The following VAV3 variants were observed in gnomAD, a reference collection of about 807,000 sequenced individuals.
VAV3 encodes vav guanine nucleotide exchange factor 3, also known as guanine nucleotide exchange factor VAV3.
VAV3 carries 94 observed loss-of-function variants against 131.2 expected under a neutral mutation model. The observed-to-expected ratio is 0.72, with a 90% CI of 0.61 to 0.85. The LOEUF (loss-of-function observed/expected upper bound fraction) is 0.85, where lower values mean the gene tolerates loss of function less well. Ranked by LOEUF, VAV3 falls within the 40% of genes least tolerant of loss-of-function variation. The pLI is 0.00. For synonymous variants in VAV3, 349 were observed against 342.0 expected (o/e 1.02, Z -0.22); for missense variants, 939 against 1,002.7 (o/e 0.94, Z 0.86).
chr1:107,869,153 T>C (rs1296134417), intron 2 of VAV3, among the ~76,000 whole-genome samples: 1 of 152,160 alleles, frequency 6.6e-6, no homozygotes, highest in Non-Finnish European at 1.5e-5. Context: ...ACCATCACTA[T>C]GTGGTCAAAG....
chr1:107,752,156 C>T lies in VAV3; in HGVS notation c.1174-954G>A, dbSNP rs184742176. Among the ~76,000 whole-genome samples, 3 of 152,232 alleles carry T rather than the reference C, an allele frequency of 2.0e-5. 1 individual carries two copies. The highest frequency in any genetic ancestry group is 4.1e-4 in the South Asian group (2 of 4,832). On this transcript the variant is annotated intron_variant, in intron 12 of 26. Coordinates refer to ENST00000370056, the MANE Select transcript of VAV3 (RefSeq NM_006113.5). ...GCATACAAACAGGTATATAGACCAA[C>T]AGAATAGTAGAGAGCCCAGAAATAA... is the stretch of plus-strand genomic sequence containing the variant.
chr1:107,720,998 G>C (rs1661462516), intron 15 of VAV3, among the ~76,000 whole-genome samples: 1 of 152,210 alleles, frequency 6.6e-6, no homozygotes, highest in African/African-American at 2.4e-5. Context: ...ACTTGTATTA[G>C]AGTAGGAGAG....
At chr1:107,946,857 C>A (rs1424596130) in intron 1 of VAV3, among the ~76,000 whole-genome samples, 6 of 152,198 alleles carry the variant, frequency 3.9e-5, no homozygotes, top group Non-Finnish European at 8.8e-5. Flanking sequence ...ATAACACCAA[C>A]CATAATAGTA....
At chr1:107,650,099 T>C (rs1656042633) in intron 19 of VAV3, among the ~76,000 whole-genome samples, 1 of 152,044 alleles carries the variant, frequency 6.6e-6, no homozygotes, top group African/African-American at 2.4e-5. Context: ...AACTGAGCCA[T>C]ATGCGTGAAT....
At chr1:107,589,720 T>A (rs1650791054) in intron 25 of VAV3, among the ~76,000 whole-genome samples, 1 of 151,896 alleles carries the variant, frequency 6.6e-6, no homozygotes, top group African/African-American at 2.4e-5. Context: ...ACAAAAAAAC[T>A]GAGGATACAA....
At chr1:107,816,735 CAAAA>C (rs1288953125) in intron 2 of VAV3, among the ~76,000 whole-genome samples, 1 of 152,104 alleles carries the variant, frequency 6.6e-6, no homozygotes, top group African/African-American at 2.4e-5. Flanking sequence ...AAAATGTACA[CAAAA>C]GAAGGAATAT....
At chr1:107,781,125 G>A (rs894651350) in intron 2 of VAV3, among the ~76,000 whole-genome samples, 1 of 152,014 alleles carries the variant, frequency 6.6e-6, no homozygotes, top group African/African-American at 2.4e-5. Flanking sequence ...CCTGGCTTTG[G>A]AGTAAGAATA....
intron 9 of VAV3, among the ~76,000 whole-genome samples, chr1:107,764,207 C>G (rs1244637199): frequency 2.0e-5 from 3 of 152,044 alleles, no homozygotes; most frequent in African/African-American, 7.2e-5. Flanking sequence ...GCCTACGTGC[C>G]ACCTCTCAAA....
chr1:107,751,345 T>C (rs1277520003), intron 12 of VAV3, 143 bp from the exon 13 acceptor site: 4 of 671,058 alleles, frequency 6.0e-6, no homozygotes, highest in African/African-American at 5.5e-5. Context: ...ATACTTACTC[T>C]AAAAAGCTCA....
chr1:107,804,676 C>T (rs1302742154), intron 2 of VAV3, among the ~76,000 whole-genome samples: 1 of 152,130 alleles, frequency 6.6e-6, no homozygotes, highest in Admixed American at 6.6e-5. Flanking sequence ...GTGTATTGTA[C>T]ATCATAATTG....
chr1:107,590,078 C>A (rs1341118606), intron 25 of VAV3, among the ~76,000 whole-genome samples: 1 of 152,072 alleles, frequency 6.6e-6, no homozygotes, highest in Admixed American at 6.6e-5. Flanking sequence ...GAGACCACAC[C>A]CAGGGAGAGA....
chr1:107,705,158 AG>A, intron 15 of VAV3, 97 bp from the exon 16 acceptor site: 1 of 967,758 alleles, frequency 1.0e-6, no homozygotes, highest in East Asian at 2.6e-5. Flanking sequence ...GACATCAGGT[AG>A]AGATCTGATT....
rs943763073 is a variant in VAV3, at chr1:107,607,305, T to A, written c.2015+2626A>T. Among the ~76,000 whole-genome samples the A allele has an allele frequency of 2.0e-5, 3 of 152,070 alleles. No individual in the cohort carries two copies. In the East Asian group the frequency reaches 5.8e-4, roughly 29 times the overall value. The stretch of plus-strand genomic sequence containing the variant: ...GACTGAGCTGGGAAACACCCAAAGG[T>A]CTGGATTTTAGATTTTTAACTCTAT... On this transcript the variant is annotated intron_variant, in intron 22 of 26. Coordinates refer to ENST00000370056, the MANE Select transcript of VAV3 (RefSeq NM_006113.5).
chr1:107,930,328 C>G (rs1445115096), intron 1 of VAV3, among the ~76,000 whole-genome samples: 8 of 151,916 alleles, frequency 5.3e-5, no homozygotes, highest in African/African-American at 1.9e-4. Flanking sequence ...AAAATTAAAA[C>G]TAAAAAATTT....
intron 17 of VAV3, among the ~76,000 whole-genome samples, chr1:107,704,117 A>C (rs1173128316): frequency 6.6e-6 from 1 of 152,218 alleles, no homozygotes; most frequent in Non-Finnish European, 1.5e-5. Flanking sequence ...TGTGATGTTT[A>C]CTTCTGGAGC....
chr1:107,803,826 A>G (rs964725133), intron 2 of VAV3, among the ~76,000 whole-genome samples: 1 of 152,036 alleles, frequency 6.6e-6, no homozygotes. Context: ...CTAGATGATT[A>G]ATCCATTATT....
chr1:107,742,572 A>T (rs1459777672), intron 15 of VAV3, among the ~76,000 whole-genome samples: 1 of 152,152 alleles, frequency 6.6e-6, no homozygotes, highest in African/African-American at 2.4e-5. Flanking sequence ...CCCCTTCTCA[A>T]ATCTCTCAGA....
intron 4 of VAV3, 50 bp downstream of exon 4, chr1:107,777,181 G>T: frequency 1.3e-6 from 2 of 1,508,216 alleles, no homozygotes; most frequent in Non-Finnish European, 1.8e-6. Context: ...AACCCACAAT[G>T]GACACATAAA....
chr1:107,650,558 TA>T (rs1351213104), intron 19 of VAV3, among the ~76,000 whole-genome samples: 1 of 150,286 alleles, frequency 6.7e-6, no homozygotes, highest in East Asian at 1.9e-4. Context: ...TTTATTTATT[TA>T]TTTATTATTA....
Sources: gnomAD v4.1 joint callset for allele counts (sites outside exome capture counted in the v4.1 genomes callset) on GRCh38, gnomAD v4.1.1 for gene constraint, MANE v1.5 for transcripts, NCBI Gene and HGNC (gene_info 2026-07-23, HGNC 2026-07-21) for gene names.